The following PRDM4 variants were observed in gnomAD, a reference collection of about 807,000 sequenced individuals.
PRDM4 encodes the protein PR/SET domain 4, also known as PR domain zinc finger protein 4.
Under a neutral mutation model 62.3 loss-of-function variants are expected in PRDM4, and 38 were observed. The observed-to-expected ratio is 0.61, with a 90% CI of 0.47 to 0.80. The LOEUF is 0.80. PRDM4 is among the 30% of genes least tolerant of loss of function. The pLI, the probability that PRDM4 is intolerant of heterozygous loss-of-function variation, is 0.00. For synonymous variants in PRDM4, 339 were observed against 348.2 expected (o/e 0.97, Z 0.30); for missense variants, 858 against 997.1 (o/e 0.86, Z 1.88).
chr12:107,739,507 G>A lies in PRDM4; in HGVS notation c.1969C>T (p.Gln657Ter). 6.2e-7 allele frequency: 1 copy of A among 1,613,952 alleles called. No individual in the cohort carries two copies. Among genetic ancestry groups the A allele is most frequent in the Non-Finnish European group, 8.5e-7 (1 of 1,179,858 alleles). ...ATGTGGGACTCCAGGTGAGCCTTCT[G>A]GGTGAAAGACTTGTCACACAAGGTA... ...RCTLCDKSFT[Q>*]KAHLESHMVI... is the part of the protein sequence containing the mutation. The change falls in exon 11 of 12, where the codon CAG becomes TAG. Residue 657 changes from glutamine to a stop codon, truncating the protein, a stop_gained. Transcript: ENST00000228437. LOFTEE classifies it high-confidence loss of function.
chr12:107,735,139 TAC>T (rs1482269462), intron 11 of PRDM4, among the ~76,000 whole-genome samples: 1 of 152,186 alleles, frequency 6.6e-6, no homozygotes, highest in Non-Finnish European at 1.5e-5. Context: ...TACCTGGGAC[TAC>T]AGGTGCATGC....
intron 11 of PRDM4, 24 bp from the exon 12 acceptor site, chr12:107,734,546 A>C: frequency 6.9e-6 from 11 of 1,589,126 alleles, no homozygotes; most frequent in Non-Finnish European, 9.4e-6. Flanking sequence ...AAGAAAAAAC[A>C]TTTGATTTGG....
chr12:107,742,199 T>A, intron 9 of PRDM4, 22 bp downstream of exon 9: 1 of 1,605,784 alleles, frequency 6.2e-7, no homozygotes, highest in Non-Finnish European at 8.5e-7. Flanking sequence ...GCCAGATTCA[T>A]TATAAACACA....
chr12:107,746,534 G>T, intron 5 of PRDM4, 110 bp from the exon 6 acceptor site: 1 of 1,061,686 alleles, frequency 9.4e-7, no homozygotes, highest in Admixed American at 3.5e-5. Context: ...ACCCAGGCTG[G>T]AGTGCAATGG....
At chr12:107,755,812 C>A (rs991400378) in intron 3 of PRDM4, among the ~76,000 whole-genome samples, 1 of 152,164 alleles carries the variant, frequency 6.6e-6, no homozygotes, top group Non-Finnish European at 1.5e-5. Context: ...ACGGCTGGCG[C>A]GGTGGCTCAC....
At chr12:107,740,781 CTAA>C (rs1436106456) in intron 10 of PRDM4, among the ~76,000 whole-genome samples, 162 bp downstream of exon 10, 4 of 152,122 alleles carry the variant, frequency 2.6e-5, no homozygotes, top group African/African-American at 7.2e-5. Context: ...GCAGAACATC[CTAA>C]TAATTGGAAG....
chr12:107,740,708 A>G (rs1317101974), intron 10 of PRDM4, among the ~76,000 whole-genome samples: 1 of 152,120 alleles, frequency 6.6e-6, no homozygotes, highest in Non-Finnish European at 1.5e-5. Context: ...ACATTGATCA[A>G]CTTCCTGATT....
At chr12:107,739,607 G>A (rs1358496637) in intron 10 of PRDM4, 56 bp from the exon 11 acceptor site, 1 of 1,541,140 alleles carries the variant, frequency 6.5e-7, no homozygotes, top group Non-Finnish European at 8.9e-7. Context: ...GCATCCCCAA[G>A]ACACACAGGC....
chr12:107,742,092 T>G lies in PRDM4; in HGVS notation c.1609+129A>C, dbSNP rs1401036626. 8 of 1,006,318 alleles carry G rather than the reference T, an allele frequency of 7.9e-6. No individual in the cohort carries two copies. In the South Asian group the frequency reaches 1.4e-4, roughly 18 times the overall value. 62.3% of individuals were successfully genotyped at this position (1,006,318 alleles called of 1,614,324 possible). ...ATTTTAACACCTCAAATACAAGTAA[T>G]AGTTTGCATTTATACAAACAAAGGT... On this transcript the variant is annotated intron_variant, in intron 9 of 11. Transcript: ENST00000228437.
At chr12:107,740,482 A>G (rs1402567605) in intron 10 of PRDM4, among the ~76,000 whole-genome samples, 1 of 151,350 alleles carries the variant, frequency 6.6e-6, no homozygotes, top group Non-Finnish European at 1.5e-5. Flanking sequence ...GTGAGGCCCT[A>G]TCTCAAAAAA....
At chr12:107,750,573 G>A (rs922137143) in intron 5 of PRDM4, among the ~76,000 whole-genome samples, 1 of 152,092 alleles carries the variant, frequency 6.6e-6, no homozygotes, top group South Asian at 2.1e-4. Flanking sequence ...CATGTTTCCT[G>A]CATGAATGAA....
rs2136303705 is a variant in PRDM4, at chr12:107,734,152, T to C, written c.*58A>G. Reference sequence around the variant, plus strand: ...TATAAAAACCATTATAGTAGATAACTGGTTATGTGTATTTTTCCATTTGCA... The same window carrying C: ...TATAAAAACCATTATAGTAGATAACCGGTTATGTGTATTTTTCCATTTGCA... On this transcript the variant is annotated 3_prime_UTR_variant, in exon 12 of 12. Transcript: ENST00000228437. 2 of 1,490,260 alleles carry C rather than the reference T, an allele frequency of 1.3e-6. No individual in the cohort carries two copies. Among genetic ancestry groups the C allele is most frequent in the Non-Finnish European group, 1.8e-6 (2 of 1,105,764 alleles). 92.3% of individuals were successfully genotyped at this position (1,490,260 alleles called of 1,614,324 possible). A position where few individuals can be genotyped will look rare whatever the true frequency, so the allele number is the denominator to read the frequency against.
chr12:107,744,775 G>T, intron 6 of PRDM4, 114 bp from the exon 7 acceptor site: 2 of 1,424,238 alleles, frequency 1.4e-6, no homozygotes, highest in Non-Finnish European at 1.9e-6. Flanking sequence ...TAACCAATAT[G>T]TAGGCTGGGC....
chr12:107,735,670 G>A (rs1890303293), intron 11 of PRDM4, among the ~76,000 whole-genome samples: 2 of 151,508 alleles, frequency 1.3e-5, no homozygotes, highest in South Asian at 2.1e-4. Context: ...CGGTCAAAAT[G>A]TCAATAATGT....
intron 2 of PRDM4, chr12:107,759,668 T>C (rs1891169017): frequency 1.3e-5 from 2 of 152,186 alleles, no homozygotes; most frequent in Non-Finnish European, 2.9e-5. Flanking sequence ...AGGTAATGAG[T>C]ATCCCACAGA....
chr12:107,744,552 A>T lies in PRDM4; in HGVS notation c.1386T>A (p.His462Gln), dbSNP rs1890626268. ...VAEWTDKAVN[H>Q]IWKIYHNGVL... is the part of the protein sequence containing the mutation. ...TTTCATCAGGACTGACCTTCCAGAT[A>T]TGGTTAACTGCCTTGTCTGTCCATT... Residue 462 changes from histidine (H) to glutamine (Q), a missense_variant, in exon 7 of 12, where the codon CAT becomes CAA. His to Gln is a conservative substitution (Grantham distance 24). Around this residue, in one of 3 missense-constraint regions of PRDM4, gnomAD observed 355 missense variants for 432.6 expected, o/e 0.82. Transcript: ENST00000228437. The T allele has an allele frequency of 6.2e-7, 1 of 1,613,156 alleles. No individual in the cohort carries two copies. The highest frequency in any genetic ancestry group is 1.3e-5 in the African/African-American group (1 of 74,912).
intron 2 of PRDM4, among the ~76,000 whole-genome samples, chr12:107,758,844 C>G (rs1891141771): frequency 1.3e-5 from 2 of 152,174 alleles, no homozygotes; most frequent in Non-Finnish European, 2.9e-5. Flanking sequence ...AACAGACATT[C>G]TGAATTTTCT....
intron 11 of PRDM4, chr12:107,739,101 C>T (rs2136310244): frequency 3.3e-6 from 1 of 306,490 alleles, no homozygotes; most frequent in Non-Finnish European, 6.1e-6. Context: ...CAACCACTTG[C>T]AGTCAATAGT....
intron 5 of PRDM4, among the ~76,000 whole-genome samples, chr12:107,746,681 C>T (rs1829081198): frequency 6.6e-6 from 1 of 151,818 alleles, no homozygotes; most frequent in Admixed American, 6.6e-5. Flanking sequence ...GACAAGGTTT[C>T]CTCATGTTGG....
Sources: allele counts gnomAD v4.1 joint callset (sites outside exome capture counted in the v4.1 genomes callset), GRCh38; gene constraint gnomAD v4.1.1; regional missense constraint gnomAD v4.1.1; transcripts MANE v1.5; gene names NCBI Gene and HGNC (gene_info 2026-07-23, HGNC 2026-07-21).